Variants in PRKCD observed in about 807,000 individuals in gnomAD.
PRKCD encodes the protein protein kinase C delta type.
PRKCD carries 20 observed loss-of-function variants against 82.2 expected under a neutral mutation model. That is an observed-to-expected ratio of 0.24 (90% CI 0.17 to 0.35). PRKCD has a LOEUF of 0.35. Among genes scored for constraint, PRKCD ranks in the 10% least tolerant of loss-of-function variants. PRKCD has a pLI of 1.00. For missense variants in PRKCD, 607 were observed against 899.0 expected (o/e 0.68, Z 4.15); for synonymous variants, 317 against 337.0 (o/e 0.94, Z 0.65).
intron 7 of PRKCD, 65 bp downstream of exon 7, chr3:53,181,797 G>A (rs781911012): frequency 5.6e-6 from 9 of 1,608,396 alleles, no homozygotes; most frequent in Non-Finnish European, 6.8e-6. Context: ...GCCAGTGCCT[G>A]TGTGTATGCC....
chr3:53,163,157 C>G (rs1457495135), intron 1 of PRKCD, among the ~76,000 whole-genome samples: 1 of 151,912 alleles, frequency 6.6e-6, no homozygotes, highest in East Asian at 1.9e-4. Flanking sequence ...GGTGTGAGGG[C>G]TATGCGATGG....
intron 2 of PRKCD, among the ~76,000 whole-genome samples, chr3:53,172,151 G>A (rs1553665039): frequency 6.6e-6 from 1 of 152,128 alleles, no homozygotes; most frequent in Non-Finnish European, 1.5e-5. Flanking sequence ...GGCTGGGCAT[G>A]TGGAGGCTGG....
chr3:53,191,982 G>A, intron 18 of PRKCD, 126 bp from the exon 19 acceptor site: 1 of 924,370 alleles, frequency 1.1e-6, no homozygotes, highest in South Asian at 1.7e-5. Flanking sequence ...TGCTAGGGGA[G>A]GCTCTGTCTT....
In PRKCD at chr3:53,183,159, A is replaced by T. The variant is rs1575537929; in HGVS notation, c.610A>T (p.Ile204Phe). 1 of 1,614,190 alleles carries T rather than the reference A, an allele frequency of 6.2e-7. No individual in the cohort carries two copies. The highest frequency in any genetic ancestry group is 8.5e-7 in the Non-Finnish European group (1 of 1,180,048). Residue 204 changes from isoleucine (I) to phenylalanine (F), a missense_variant, in exon 8 of 19, where the codon ATC becomes TTC. This residue lies in a region of PRKCD where 109 missense variants were observed against 155.6 expected (regional missense o/e 0.70). Coordinates refer to ENST00000330452, the MANE Select transcript of PRKCD (RefSeq NM_006254.4). ...AAIHKKCIDK[I>F]IGRCTGTAAN... ...CATCCACAAGAAATGCATCGACAAG[A>T]TCATCGGCAGATGCACTGGCACCGC...
intron 18 of PRKCD, 85 bp downstream of exon 18, chr3:53,190,086 C>T: frequency 7.7e-6 from 12 of 1,559,292 alleles, no homozygotes; most frequent in Non-Finnish European, 8.8e-7. Flanking sequence ...ACACGCTTTC[C>T]ACCTCTCCCT....
intron 2 of PRKCD, among the ~76,000 whole-genome samples, chr3:53,166,359 C>G (rs545383083): frequency 9.8e-5 from 15 of 152,334 alleles, no homozygotes; most frequent in Non-Finnish European, 1.9e-4. Context: ...GTCACTCAGC[C>G]TTGTTTTGTA....
intron 14 of PRKCD, among the ~76,000 whole-genome samples, chr3:53,187,016 G>C (rs913907177): frequency 2.6e-5 from 4 of 152,192 alleles, no homozygotes; most frequent in Admixed American, 6.5e-5. Flanking sequence ...CCCCAGACCT[G>C]CTTCTCCCCA....
chr3:53,164,245 G>A (rs1230598184), intron 1 of PRKCD, among the ~76,000 whole-genome samples: 3 of 152,156 alleles, frequency 2.0e-5, no homozygotes, highest in Non-Finnish European at 4.4e-5. Flanking sequence ...GGGCACAATA[G>A]TAATGTGAGA....
intron 2 of PRKCD, among the ~76,000 whole-genome samples, chr3:53,172,386 G>A (rs1323849831): frequency 1.3e-5 from 2 of 152,050 alleles, no homozygotes; most frequent in African/African-American, 2.4e-5. Flanking sequence ...TTGCCCTGCC[G>A]TGACTGCCGG....
Position 53,181,461 on chromosome 3 carries a change from C to A in PRKCD, c.394C>A (p.Arg132Ser). The A allele has an allele frequency of 1.9e-6, 3 of 1,614,140 alleles. No individual in the cohort carries two copies. Among genetic ancestry groups the A allele is most frequent in the East Asian group, 2.2e-5 (1 of 44,886 alleles). ...GTCACCAGATTGCAAACAGTCTATG[C>A]GCAGTGAGGACGAGGCCAAGTTCCC... ...LEDVDCKQSM[R>S]SEDEAKFPTM... Residue 132 changes from arginine to serine, a missense_variant, in exon 6 of 19, where the codon CGC becomes AGC. Arg to Ser is a moderately radical substitution (Grantham distance 110, BLOSUM62 -1). This residue lies in a region of PRKCD where 161 missense variants were observed against 227.0 expected (regional missense o/e 0.71). Coordinates refer to ENST00000330452, the MANE Select transcript of PRKCD (RefSeq NM_006254.4).
intron 2 of PRKCD, among the ~76,000 whole-genome samples, chr3:53,165,948 G>A (rs1553663780): frequency 6.6e-6 from 1 of 152,180 alleles, no homozygotes; most frequent in Non-Finnish European, 1.5e-5. Flanking sequence ...TTCCAGGCTG[G>A]TGACTGGGTG....
chr3:53,186,400 C>T, intron 13 of PRKCD, 60 bp downstream of exon 13: 3 of 1,595,834 alleles, frequency 1.9e-6, no homozygotes, highest in East Asian at 4.5e-5. Context: ...AGCTCCTCAG[C>T]CCCCCTCAGT....
Position 53,192,390 on chromosome 3 carries a change from G to A in PRKCD, c.*124G>A. 1 of 1,205,888 alleles carries A rather than the reference G, an allele frequency of 8.3e-7. No homozygotes were observed. The highest frequency in any genetic ancestry group is 2.4e-5 in the East Asian group (1 of 42,390). 74.7% of individuals were successfully genotyped at this position (1,205,888 alleles called of 1,614,324 possible). A position where few individuals can be genotyped will look rare whatever the true frequency, so the allele number is the denominator to read the frequency against. ...CCGCCCCTGCCCCCAGAGCGTCCTT[G>A]GCTGCCGTCTGGCCGGGCTCTCATG... On this transcript the variant is annotated 3_prime_UTR_variant, in exon 19 of 19. Coordinates refer to ENST00000330452, the MANE Select transcript of PRKCD (RefSeq NM_006254.4).
chr3:53,162,032 G>A (rs868956770), intron 1 of PRKCD, among the ~76,000 whole-genome samples: 5 of 151,542 alleles, frequency 3.3e-5, no homozygotes, highest in African/African-American at 1.2e-4. Flanking sequence ...CTGGAGGCCC[G>A]ACCCGCGCGG....
At chr3:53,185,789 AC>A in intron 11 of PRKCD, 89 bp downstream of exon 11, 1 of 1,521,274 alleles carries the variant, frequency 6.6e-7, no homozygotes, top group Non-Finnish European at 9.1e-7. Context: ...GTCAAGTGAG[AC>A]ATGGAAGGAA....
At chr3:53,165,880 C>T (rs1702815352) in intron 2 of PRKCD, among the ~76,000 whole-genome samples, 1 of 152,184 alleles carries the variant, frequency 6.6e-6, no homozygotes, top group South Asian at 2.1e-4. Flanking sequence ...TTGGGGCGAG[C>T]CTTGCCTCCT....
In PRKCD at chr3:53,181,818, T is replaced by C; in HGVS notation, c.571+86T>C. 1.9e-6 allele frequency: 3 copies of C among 1,587,390 alleles called. No individual in the cohort carries two copies. The South Asian group carries it at 3.4e-5, about 18-fold the overall frequency. On this transcript the variant is annotated intron_variant, in intron 7 of 18. Transcript: ENST00000330452. ...GCCTGTGTGTATGCCAGTGCCTGTG[T>C]GCGCTCAGAGAGTGTATGCACGTGA...
intron 17 of PRKCD, 69 bp downstream of exon 17, chr3:53,189,315 T>C: frequency 6.8e-7 from 1 of 1,468,272 alleles, no homozygotes. Context: ...ACACTGGGCT[T>C]TGGGTGAGGA....
intron 10 of PRKCD, 80 bp downstream of exon 10, chr3:53,185,054 C>A: frequency 8.0e-7 from 1 of 1,252,902 alleles, no homozygotes; most frequent in Non-Finnish European, 1.2e-6. Context: ...TGCTGGGGAG[C>A]CACAGACAGC....
Sources: gnomAD v4.1 joint callset for allele counts (sites outside exome capture counted in the v4.1 genomes callset) on GRCh38, gnomAD v4.1.1 for gene constraint, gnomAD v4.1.1 regional missense constraint, MANE v1.5 for transcripts, NCBI Gene and HGNC (gene_info 2026-07-23, HGNC 2026-07-21) for gene names.